Variants in TIAM1 observed in about 807,000 individuals in gnomAD.
TIAM1 encodes TIAM Rac1 associated GEF 1.
In TIAM1, 65 loss-of-function variants were observed where a neutral mutation model predicts 163.5. The ratio of observed to expected loss-of-function variants is 0.40; its 90% CI spans 0.33 to 0.49. TIAM1 has a LOEUF of 0.49. Among genes scored for constraint, TIAM1 ranks in the 20% least tolerant of loss-of-function variants. TIAM1 has a pLI of 0.77. For synonymous variants in TIAM1, 833 were observed against 810.1 expected, an observed-to-expected ratio of 1.03 and a Z score of -0.48; for missense variants, 1,789 against 2,044.7, an observed-to-expected ratio of 0.87 and a Z score of 2.41.
intron 25 of TIAM1, among the ~76,000 whole-genome samples, chr21:31,129,684 A>C (rs2082334862): frequency 6.6e-6 from 1 of 152,200 alleles, no homozygotes; most frequent in African/African-American, 2.4e-5. Context: ...AATTAAAATC[A>C]ATGTAAAAAA....
chr21:31,533,484 T>C (rs2048033135), intron 1 of TIAM1, among the ~76,000 whole-genome samples: 1 of 152,208 alleles, frequency 6.6e-6, no homozygotes. Flanking sequence ...CTGGGTGTAG[T>C]GGCTCACACC....
At chr21:31,155,714 C>T (rs763491105) in intron 16 of TIAM1, among the ~76,000 whole-genome samples, 40 of 152,086 alleles carry the variant, frequency 2.6e-4, no homozygotes, top group Admixed American at 6.5e-4. Flanking sequence ...ACATGTTGGC[C>T]AGGATGGTCT....
At chr21:31,526,669 T>G (rs906902226) in intron 1 of TIAM1, among the ~76,000 whole-genome samples, 1 of 152,118 alleles carries the variant, frequency 6.6e-6, no homozygotes, top group Non-Finnish European at 1.5e-5. Context: ...CATATATCTA[T>G]GGGAATCTCA....
chr21:31,531,760 T>TA (rs60258369), intron 1 of TIAM1, among the ~76,000 whole-genome samples: 23,745 of 144,096 alleles, frequency 0.16, 2,117 homozygotes, highest in Non-Finnish European at 0.21. Flanking sequence ...ATACAGGAGT[T>TA]AAAAAAAAAA....
intron 2 of TIAM1, among the ~76,000 whole-genome samples, chr21:31,285,466 TCA>T (rs796097692): frequency 2.6e-5 from 4 of 152,246 alleles, no homozygotes; most frequent in African/African-American, 9.6e-5. Flanking sequence ...CCAAAAAGAA[TCA>T]CTCCCCCCAT....
At chr21:31,342,054 A>G (rs148376048) in intron 1 of TIAM1, among the ~76,000 whole-genome samples, 2,108 of 152,310 alleles carry the variant, frequency 0.014, 20 homozygotes, top group South Asian at 0.031. Context: ...TCAATATTAT[A>G]CCAATTTTAA....
chr21:31,269,950 C>T (rs889695289), intron 3 of TIAM1, among the ~76,000 whole-genome samples: 3 of 152,184 alleles, frequency 2.0e-5, no homozygotes, highest in Non-Finnish European at 2.9e-5. Context: ...GGATTACAGG[C>T]GTGAGCCACC....
chr21:31,308,638 T>A (rs1388874998), intron 2 of TIAM1, among the ~76,000 whole-genome samples: 1 of 152,210 alleles, frequency 6.6e-6, no homozygotes, highest in Non-Finnish European at 1.5e-5. Flanking sequence ...GTTATGATGA[T>A]ATTGATAATA....
At chr21:31,342,157 A>T (rs1033435409) in intron 1 of TIAM1, among the ~76,000 whole-genome samples, 3 of 152,144 alleles carry the variant, frequency 2.0e-5, no homozygotes, top group African/African-American at 7.2e-5. Context: ...TTTACAATTT[A>T]AAAACAGTCA....
intron 6 of TIAM1, among the ~76,000 whole-genome samples, chr21:31,229,134 G>A (rs2088242136): frequency 6.6e-6 from 1 of 152,292 alleles, no homozygotes; most frequent in East Asian, 1.9e-4. Context: ...TACAGTATTA[G>A]AAGTTGAGAG....
chr21:31,159,736 A>G (rs972727897), intron 16 of TIAM1, among the ~76,000 whole-genome samples: 2 of 152,268 alleles, frequency 1.3e-5, no homozygotes, highest in Admixed American at 1.3e-4. Context: ...TGATTAAATG[A>G]CACAACATCT....
At chr21:31,408,055 C>A (rs1302432252) in intron 2 of TIAM1, among the ~76,000 whole-genome samples, 2 of 152,172 alleles carry the variant, frequency 1.3e-5, no homozygotes, top group East Asian at 3.8e-4. Flanking sequence ...GAAAAGGCTC[C>A]TTGAAATTTT....
At chr21:31,425,352 A>T (rs1200774840) in intron 2 of TIAM1, among the ~76,000 whole-genome samples, 1 of 152,144 alleles carries the variant, frequency 6.6e-6, no homozygotes, top group African/African-American at 2.4e-5. Flanking sequence ...ACAGATCAAT[A>T]AAATGGAGGC....
At chr21:31,499,139 A>G (rs556974620) in intron 1 of TIAM1, among the ~76,000 whole-genome samples, 71 of 152,306 alleles carry the variant, frequency 4.7e-4, no homozygotes, top group African/African-American at 1.5e-3. Context: ...GCCTGGAAAG[A>G]CAGAGCTGAG....
chr21:31,442,068 T>TG (rs2044441393), intron 2 of TIAM1, among the ~76,000 whole-genome samples: 1 of 87,410 alleles, frequency 1.1e-5, no homozygotes, highest in Non-Finnish European at 2.3e-5. Flanking sequence ...AACAAATAAA[T>TG]AAATATATAT....
At chr21:31,375,836 G>A (rs1194266169) in intron 2 of TIAM1, among the ~76,000 whole-genome samples, 4 of 152,074 alleles carry the variant, frequency 2.6e-5, no homozygotes, top group Non-Finnish European at 5.9e-5. Context: ...AGACCAGCCT[G>A]ACCAACATGG....
Position 31,401,806 on chromosome 21 carries a change from G to A in TIAM1, c.-369+62177C>T, listed in dbSNP as rs1188492003. The stretch of plus-strand genomic sequence containing the variant: ...CACGCCTGGAACCCTAGCTACTCAG[G>A]GGGCTGAGGCAAGAGGATTGCTTGA... On this transcript the variant is annotated intron_variant, in intron 2 of 28. Coordinates refer to the TIAM1 transcript ENST00000286827. Among the ~76,000 whole-genome samples, 3 of 151,948 alleles carry A rather than the reference G, an allele frequency of 2.0e-5. No individual in the cohort carries two copies. The South Asian group carries it at 6.2e-4, about 32-fold the overall frequency.
At chr21:31,304,382 G>A (rs182619688) in intron 2 of TIAM1, among the ~76,000 whole-genome samples, 33 of 152,254 alleles carry the variant, frequency 2.2e-4, no homozygotes, top group Non-Finnish European at 1.9e-4. Flanking sequence ...AGGGAATCAG[G>A]ATACACAGAT....
intron 2 of TIAM1, among the ~76,000 whole-genome samples, chr21:31,447,536 A>G (rs2044671734): frequency 6.6e-6 from 1 of 152,210 alleles, no homozygotes; most frequent in Admixed American, 6.5e-5. Context: ...AGATCAATAA[A>G]TTAGAATAAA....
Sources: gnomAD v4.1 joint callset for allele counts (sites outside exome capture counted in the v4.1 genomes callset) on GRCh38, gnomAD v4.1.1 for gene constraint, MANE v1.5 for transcripts, NCBI Gene and HGNC (gene_info 2026-07-23, HGNC 2026-07-21) for gene names.